The following ULBP1 variants were observed in gnomAD, a reference collection of about 807,000 sequenced individuals.
The protein encoded by ULBP1 is UL16 binding protein 1.
ULBP1 carries 28 observed loss-of-function variants against 25.3 expected under a neutral mutation model. The observed-to-expected ratio is 1.10, with a 90% CI of 0.82 to 1.51. ULBP1 has a LOEUF of 1.51. Among genes scored for constraint, ULBP1 ranks in the 40% most tolerant of loss-of-function variants. The pLI, the probability that ULBP1 is intolerant of heterozygous loss-of-function variation, is 0.00. For missense variants in ULBP1, 348 were observed against 290.9 expected, an observed-to-expected ratio of 1.20 and a Z score of -1.43; for synonymous variants, 129 against 103.0, an observed-to-expected ratio of 1.25 and a Z score of -1.53.
chr6:149,965,701 T>G (rs2114706987), intron 1 of ULBP1, among the ~76,000 whole-genome samples: 1 of 152,094 alleles, frequency 6.6e-6, no homozygotes, highest in East Asian at 1.9e-4. Flanking sequence ...CCCTGGAACT[T>G]CGCCCCTACA....
At chr6:149,969,885 G>A (rs1228784149) in intron 3 of ULBP1, 131 bp from the exon 4 acceptor site, 1 of 1,230,646 alleles carries the variant, frequency 8.1e-7, no homozygotes, top group Non-Finnish European at 1.1e-6. Flanking sequence ...ACTTGTCCCA[G>A]AGGTTGCCCC....
At chr6:149,968,476 G>C in intron 1 of ULBP1, 131 bp from the exon 2 acceptor site, 1 of 1,241,440 alleles carries the variant, frequency 8.1e-7, no homozygotes, top group East Asian at 2.4e-5. Context: ...TGACAGTCCT[G>C]GCTGGGGCAT....
intron 4 of ULBP1, 69 bp from the exon 5 acceptor site, chr6:149,971,300 A>C (rs1384896053): frequency 2.1e-6 from 2 of 959,170 alleles, no homozygotes; most frequent in South Asian, 9.6e-5. Flanking sequence ...GGGCCTGGGA[A>C]GGATCACCCA....
intron 1 of ULBP1, among the ~76,000 whole-genome samples, chr6:149,966,072 G>T (rs149381374): frequency 0.011 from 1,661 of 150,628 alleles, 30 homozygotes; most frequent in African/African-American, 0.038. Flanking sequence ...CTGTTCTTCC[G>T]ACTGGGGAGC....
rs915457588 is a variant in ULBP1, at chr6:149,969,413, T to A, written c.625+53T>A. ...TGTCTCGAGTTCAGATCTTATCAGC[T>A]GGTGTATGTGTGTGAGTGCGTGTGT... On this transcript the variant is annotated intron_variant, in intron 3 of 4. Transcript: ENST00000229708. 4 of 1,588,188 alleles carry A rather than the reference T, an allele frequency of 2.5e-6. No individual in the cohort carries two copies. The African/African-American group carries it at 5.4e-5, about 21-fold the overall frequency.
chr6:149,966,353 A>T (rs56293488), intron 1 of ULBP1, among the ~76,000 whole-genome samples: 19,712 of 151,170 alleles, frequency 0.13, 2,259 homozygotes, highest in East Asian at 0.34. Context: ...ATCTCCAAGT[A>T]GTGTAAGTTG....
chr6:149,965,759 C>A (rs935203360), intron 1 of ULBP1, among the ~76,000 whole-genome samples: 1 of 152,214 alleles, frequency 6.6e-6, no homozygotes, highest in South Asian at 2.1e-4. Context: ...CAGACACTTG[C>A]TACCCTTCCC....
chr6:149,968,541 TG>T lies in ULBP1; in HGVS notation c.86-63del, dbSNP rs1193395275. The T allele has an allele frequency of 1.2e-5, 18 of 1,548,414 alleles. No homozygotes were observed. The East Asian group carries it at 4.1e-4, about 35-fold the overall frequency. On this transcript the variant is annotated intron_variant, in intron 1 of 4. Coordinates refer to ENST00000229708, the MANE Select transcript of ULBP1 (RefSeq NM_025218.4). ...GGCCTTCACTTGCAGTCACCATAAG[TG>T]GGAGGAGGGGATACAGGTTCCATTT... is the stretch of plus-strand genomic sequence containing the variant.
At position 149,970,116 on chromosome 6, in the gene ULBP1, TG is replaced by T; in HGVS notation, c.728del (p.Gly243AlafsTer9). ...TCATCTTCCTCTGCTTCATTCTAGC[TG>T]GCAGATGAGGAGAGTTGTTTAGAGT... The part of the protein sequence containing the change: ...LIIFLCFILA[G>X]R On this transcript the variant is annotated frameshift_variant, in exon 4 of 5. Coordinates refer to ENST00000229708, the MANE Select transcript of ULBP1 (RefSeq NM_025218.4). LOFTEE classifies it high-confidence loss of function. The T allele has an allele frequency of 6.2e-7, 1 of 1,608,384 alleles. No homozygotes were observed. The highest frequency in any genetic ancestry group is 8.5e-7 in the Non-Finnish European group (1 of 1,177,328).
In ULBP1 at chr6:149,970,131, G is replaced by GTTGT; in HGVS notation, c.*9_*12dup. 6.3e-7 allele frequency: 1 copy of GTTGT among 1,597,338 alleles called. No homozygotes were observed. Among genetic ancestry groups the GTTGT allele is most frequent in the Non-Finnish European group, 8.5e-7 (1 of 1,171,602 alleles). ...TCATTCTAGCTGGCAGATGAGGAGA[G>GTTGT]TTGTTTAGAGTGACAGGTACTGTGG... On this transcript the variant is annotated 3_prime_UTR_variant, in exon 4 of 5. Coordinates refer to ENST00000229708, the MANE Select transcript of ULBP1 (RefSeq NM_025218.4).
At chr6:149,966,196 A>G (rs1354951913) in intron 1 of ULBP1, among the ~76,000 whole-genome samples, 5 of 152,180 alleles carry the variant, frequency 3.3e-5, no homozygotes, top group Admixed American at 2.6e-4. Flanking sequence ...TCTGTGTGTC[A>G]AGTCCTGTCC....
chr6:149,965,565 G>C (rs1401182193), intron 1 of ULBP1, among the ~76,000 whole-genome samples: 2 of 152,142 alleles, frequency 1.3e-5, no homozygotes, highest in African/African-American at 4.8e-5. Flanking sequence ...CCTAGCTGGG[G>C]TCAGGACAGG....
intron 4 of ULBP1, among the ~76,000 whole-genome samples, 190 bp downstream of exon 4, chr6:149,970,337 GT>G (rs75657695): frequency 0.057 from 8,627 of 152,234 alleles, 551 homozygotes; most frequent in East Asian, 0.34. Context: ...GATTCTAACT[GT>G]CAGAGGCCAG....
Position 149,969,208 on chromosome 6 carries a change from G to A in ULBP1, c.473G>A (p.Trp158Ter), listed in dbSNP as rs142128389. ...FLLFDSNNRK[W>*]TALHPGAKKM... ...CTCTTTGACTCAAACAACAGAAAGT[G>A]GACAGCACTTCATCCTGGAGCCAAG... Residue 158 changes from tryptophan (W) to a stop codon, truncating the protein, a stop_gained, in exon 3 of 5, where the codon TGG becomes TAG. Transcript: ENST00000229708. LOFTEE classifies it high-confidence loss of function. The A allele has an allele frequency of 6.9e-5, 111 of 1,614,124 alleles. No homozygotes were observed. The highest frequency in any genetic ancestry group is 8.5e-5 in the Non-Finnish European group (100 of 1,180,066).
intron 3 of ULBP1, 141 bp downstream of exon 3, chr6:149,969,501 C>A (rs1462308619): frequency 2.9e-5 from 33 of 1,146,050 alleles, no homozygotes; most frequent in Non-Finnish European, 3.8e-5. Context: ...GGGGTCCTGG[C>A]ATGCCTGTGC....
rs913650416 is a variant in ULBP1, at chr6:149,971,526, G to A, written c.*180G>A. On this transcript the variant is annotated 3_prime_UTR_variant, in exon 5 of 5. Coordinates refer to ENST00000229708, the MANE Select transcript of ULBP1 (RefSeq NM_025218.4). ...CCCAGCAGACGATGAGGACATTGTC[G>A]GCTCAACATCTCAGGCCACTCATTA... The A allele has an allele frequency of 2.0e-5, 8 of 391,286 alleles. No individual in the cohort carries two copies. The highest frequency in any genetic ancestry group is 2.3e-5 in the African/African-American group (1 of 44,376). 24.2% of individuals were successfully genotyped at this position (391,286 alleles called of 1,614,324 possible).
intron 1 of ULBP1, among the ~76,000 whole-genome samples, chr6:149,965,979 G>C (rs1349414983): frequency 6.6e-6 from 1 of 152,022 alleles, no homozygotes; most frequent in Admixed American, 6.5e-5. Context: ...CAGGGGGGAC[G>C]GGAAATCCCA....
rs186787918 is a variant in ULBP1, at chr6:149,964,597, C to T, written c.85+463C>T. 5.3e-5 allele frequency among the ~76,000 whole-genome samples: 8 copies of T among 150,860 alleles called. No homozygotes were observed. The East Asian group carries it at 1.6e-3, about 30-fold the overall frequency. ...AACATCGCGGTCTCCCCGAAAATCG[C>T]GATCTCCCCGAACATTGCCATCTCA... is the stretch of plus-strand genomic sequence containing the variant. On this transcript the variant is annotated intron_variant, in intron 1 of 4. Transcript: ENST00000229708.
intron 1 of ULBP1, among the ~76,000 whole-genome samples, chr6:149,967,793 T>C (rs1415391586): frequency 2.0e-5 from 3 of 152,114 alleles, no homozygotes. Context: ...TGGGAGCCCA[T>C]TTCAGGAACA....
Sources: gnomAD v4.1 joint callset for allele counts (sites outside exome capture counted in the v4.1 genomes callset) on GRCh38, gnomAD v4.1.1 for gene constraint, MANE v1.5 for transcripts, NCBI Gene and HGNC (gene_info 2026-07-23, HGNC 2026-07-21) for gene names.